The following SNTG1 variants were observed in gnomAD, a reference collection of about 807,000 sequenced individuals.
SNTG1 encodes the protein gamma-1-syntrophin.
SNTG1 carries 39 observed loss-of-function variants against 74.7 expected under a neutral mutation model. The observed-to-expected ratio is 0.52, with a 90% CI of 0.40 to 0.68. The LOEUF (loss-of-function observed/expected upper bound fraction) is 0.68. Ranked by LOEUF, SNTG1 falls within the 30% of genes least tolerant of loss-of-function variation. SNTG1 has a pLI of 0.00. For synonymous variants in SNTG1, 254 were observed against 217.1 expected, an observed-to-expected ratio of 1.17 and a Z score of -1.49; for missense variants, 685 against 609.5, an observed-to-expected ratio of 1.12 and a Z score of -1.30.
rs566362845 is a variant in SNTG1 at position 50,374,299 on chromosome 8, T to C, written c.-27-19913T>C. 1.6e-4 allele frequency among the ~76,000 whole-genome samples: 25 copies of C among 152,348 alleles called. 1 individual carries two copies. The highest frequency in any genetic ancestry group is 6.0e-4 in the African/African-American group (25 of 41,588). ...TATGTAAACATCCAATTAGTTAAAATATCAAGGTTGCTATTTTTGGAGTCC... is the reference window on the plus strand; with the variant it reads ...TATGTAAACATCCAATTAGTTAAAACATCAAGGTTGCTATTTTTGGAGTCC... On this transcript the variant is annotated intron_variant, in intron 2 of 18. Coordinates refer to ENST00000642720, the MANE Select transcript of SNTG1 (RefSeq NM_018967.5).
In SNTG1 at chr8:50,067,253, C is replaced by CT. The variant is rs541740641; in HGVS notation, c.-102-105299dup. Reference sequence around the variant, plus strand: ...ACATTCTTATTTCCTACATATGTGGCTTTTTTTTTACCAGTTTATTTCAAA... The same window carrying CT: ...ACATTCTTATTTCCTACATATGTGGCTTTTTTTTTTACCAGTTTATTTCAAA... On this transcript the variant is annotated intron_variant, in intron 1 of 18. Transcript: ENST00000642720. Among the ~76,000 whole-genome samples the CT allele has an allele frequency of 5.9e-3, 886 of 151,234 alleles. 5 individuals are homozygous for CT. The highest frequency in any genetic ancestry group is 0.042 in the East Asian group (219 of 5,164).
At chr8:50,080,514 C>CT (rs1822307822) in intron 1 of SNTG1, among the ~76,000 whole-genome samples, 2 of 152,092 alleles carry the variant, frequency 1.3e-5, no homozygotes, top group Non-Finnish European at 2.9e-5. Flanking sequence ...ACAGTTGTGT[C>CT]TTTTCAGTTC....
At chr8:50,364,066 T>G (rs974195122) in intron 2 of SNTG1, among the ~76,000 whole-genome samples, 1 of 152,096 alleles carries the variant, frequency 6.6e-6, no homozygotes, top group African/African-American at 2.4e-5. Context: ...TCCCTTTGAT[T>G]AGGGATTTTT....
In SNTG1 at chr8:49,982,032, T is replaced by C. The variant is rs189902965; in HGVS notation, c.-103+69801T>C. On this transcript the variant is annotated intron_variant, in intron 1 of 18. Coordinates refer to ENST00000642720, the MANE Select transcript of SNTG1 (RefSeq NM_018967.5). Reference sequence around the variant, plus strand: ...AAATCTATGGAGAAAACAATAGCTTTAAAAATAAAAGTCTTTGAAAAAAAT... The same window carrying C: ...AAATCTATGGAGAAAACAATAGCTTCAAAAATAAAAGTCTTTGAAAAAAAT... Among the ~76,000 whole-genome samples the C allele has an allele frequency of 5.9e-3, 904 of 152,260 alleles. 12 individuals are homozygous for C. Among genetic ancestry groups the C allele is most frequent in the African/African-American group, 0.019 (789 of 41,568 alleles).
At chr8:50,672,997 GA>G (rs2095292241) in intron 15 of SNTG1, among the ~76,000 whole-genome samples, 1 of 152,144 alleles carries the variant, frequency 6.6e-6, no homozygotes, top group Non-Finnish European at 1.5e-5. Context: ...GACAGTTATA[GA>G]TGTGTAGTAT....
intron 2 of SNTG1, among the ~76,000 whole-genome samples, chr8:50,293,441 G>GCC (rs2089220379): frequency 6.9e-6 from 1 of 143,918 alleles, no homozygotes; most frequent in South Asian, 2.2e-4. Flanking sequence ...ACTGAGTCTT[G>GCC]CTCTGCCACC....
intron 1 of SNTG1, among the ~76,000 whole-genome samples, chr8:49,934,595 A>G (rs1411507758): frequency 4.6e-5 from 7 of 152,194 alleles, no homozygotes; most frequent in Non-Finnish European, 1.0e-4. Context: ...CCTGAAGAGT[A>G]TGTGTTTAAT....
At chr8:50,578,723 T>G (rs1416051596) in intron 12 of SNTG1, among the ~76,000 whole-genome samples, 1 of 152,200 alleles carries the variant, frequency 6.6e-6, no homozygotes, top group African/African-American at 2.4e-5. Context: ...CATTTCTCCT[T>G]GCTGCCGCCA....
intron 2 of SNTG1, among the ~76,000 whole-genome samples, chr8:50,317,978 A>G (rs2090375624): frequency 6.6e-6 from 1 of 152,140 alleles, no homozygotes; most frequent in African/African-American, 2.4e-5. Flanking sequence ...CTGGGACTAC[A>G]GGCGCTCGCC....
intron 18 of SNTG1, among the ~76,000 whole-genome samples, chr8:50,763,002 C>T (rs1403767523): frequency 6.6e-6 from 1 of 151,884 alleles, no homozygotes; most frequent in Non-Finnish European, 1.5e-5. Flanking sequence ...TAACTATGCT[C>T]CCCTAGAGTT....
intron 17 of SNTG1, among the ~76,000 whole-genome samples, chr8:50,744,004 A>T (rs1294587120): frequency 6.6e-6 from 1 of 151,838 alleles, no homozygotes; most frequent in Non-Finnish European, 1.5e-5. Context: ...TTTTTCAGAC[A>T]GGATTTCCTA....
chr8:50,576,945 C>A (rs1189649208), intron 12 of SNTG1, among the ~76,000 whole-genome samples: 2 of 151,830 alleles, frequency 1.3e-5, no homozygotes. Flanking sequence ...TCTTATATTT[C>A]TTTTTTCTTG....
intron 1 of SNTG1, among the ~76,000 whole-genome samples, chr8:50,152,344 G>C (rs1392082075): frequency 6.6e-6 from 1 of 152,084 alleles, no homozygotes; most frequent in Admixed American, 6.6e-5. Flanking sequence ...ACACTGATGG[G>C]TCTTGACTCT....
chr8:50,167,300 G>A (rs2082653307), intron 1 of SNTG1, among the ~76,000 whole-genome samples: 3 of 138,484 alleles, frequency 2.2e-5, no homozygotes, highest in African/African-American at 8.0e-5. Flanking sequence ...AAAAAAAAAA[G>A]ATTAAAAATA....
chr8:50,016,151 T>C (rs1035673205), intron 1 of SNTG1, among the ~76,000 whole-genome samples: 7 of 152,050 alleles, frequency 4.6e-5, no homozygotes, highest in Admixed American at 6.6e-5. Context: ...CTTCTTTTCG[T>C]GCAAGTTTGG....
chr8:50,411,366 T>C (rs931369727), intron 4 of SNTG1, among the ~76,000 whole-genome samples: 2 of 150,762 alleles, frequency 1.3e-5, no homozygotes, highest in African/African-American at 4.9e-5. Flanking sequence ...GAGAATGGCA[T>C]GAACCTGGGA....
intron 15 of SNTG1, among the ~76,000 whole-genome samples, chr8:50,701,579 T>TTTTTTCTTCTTCTTCTTC (rs1563761184): frequency 1.2e-5 from 1 of 83,756 alleles, no homozygotes; most frequent in African/African-American, 1.1e-4. Context: ...ATAATACCTT[T>TTTTTTCTTCTTCTTCTTC]TTCTTCCTCT....
intron 8 of SNTG1, among the ~76,000 whole-genome samples, chr8:50,455,203 C>T (rs2093493845): frequency 6.6e-6 from 1 of 152,144 alleles, no homozygotes; most frequent in Non-Finnish European, 1.5e-5. Context: ...ATTCGTATAA[C>T]TGAAATTTCC....
At chr8:50,676,461 C>T (rs563684176) in intron 15 of SNTG1, among the ~76,000 whole-genome samples, 6 of 151,968 alleles carry the variant, frequency 3.9e-5, no homozygotes, top group South Asian at 4.1e-4. Flanking sequence ...TGCTGTGTTA[C>T]GCAGCACCAT....
Sources: allele counts gnomAD v4.1 joint callset (sites outside exome capture counted in the v4.1 genomes callset), GRCh38; gene constraint gnomAD v4.1.1; transcripts MANE v1.5; gene names NCBI Gene and HGNC (gene_info 2026-07-23, HGNC 2026-07-21).